The following SLC37A3 variants were observed in gnomAD, a reference collection of about 807,000 sequenced individuals.
SLC37A3 encodes the protein sugar phosphate exchanger 3.
A neutral mutation model predicts 67.1 loss-of-function variants in SLC37A3; 51 were observed. That is an observed-to-expected ratio of 0.76 (90% CI 0.61 to 0.96). The LOEUF (loss-of-function observed/expected upper bound fraction) is 0.96, where lower values mean the gene tolerates loss of function less well. Among genes scored for constraint, SLC37A3 ranks in the 40% least tolerant of loss-of-function variants. The probability of loss-of-function intolerance (pLI) is 0.00; values close to 1 mark genes in which losing one functional copy is unlikely to be tolerated. For missense variants in SLC37A3, 508 were observed against 603.0 expected, an observed-to-expected ratio of 0.84 and a Z score of 1.65; for synonymous variants, 214 against 231.4, an observed-to-expected ratio of 0.92 and a Z score of 0.68.
chr7:140,344,030 T>C (rs1796460085), intron 12 of SLC37A3: 1 of 194,042 alleles, frequency 5.2e-6, no homozygotes, highest in Admixed American at 5.7e-5. Flanking sequence ...GAATCAGGCA[T>C]GCGATGGCCC....
chr7:140,391,615 C>T (rs146155413), intron 1 of SLC37A3, among the ~76,000 whole-genome samples: 91 of 152,282 alleles, frequency 6.0e-4, no homozygotes, highest in African/African-American at 2.1e-3. Flanking sequence ...ATCTATCCCT[C>T]CCCTGTGGAG....
Position 140,348,768 on chromosome 7 carries a change from C to T in SLC37A3, c.883-1G>A, listed in dbSNP as rs1563014034. ...TCAAGCAGGCGTAGGCCAGTGAGTA[C>T]TACAAGAAAAGCATTCAACTATCAG... On this transcript the variant is annotated splice_acceptor_variant, in intron 9 of 14. Transcript: ENST00000326232. LOFTEE classifies it high-confidence loss of function. The T allele has an allele frequency of 6.2e-7, 1 of 1,613,544 alleles. No individual in the cohort carries two copies. The highest frequency in any genetic ancestry group is 8.5e-7 in the Non-Finnish European group (1 of 1,179,886).
intron 1 of SLC37A3, among the ~76,000 whole-genome samples, chr7:140,390,351 A>G (rs1162141407): frequency 7.9e-5 from 12 of 151,974 alleles, no homozygotes; most frequent in Admixed American, 7.9e-4. Flanking sequence ...ACCTAGTTAC[A>G]TGGTTAGCAG....
At chr7:140,365,153 G>A (rs1273701907) in intron 4 of SLC37A3, among the ~76,000 whole-genome samples, 1 of 152,206 alleles carries the variant, frequency 6.6e-6, no homozygotes, top group African/African-American at 2.4e-5. Context: ...CCACTGAGTG[G>A]CAGGAATTAA....
intron 6 of SLC37A3, 71 bp downstream of exon 6, chr7:140,358,563 CTGACTT>C: frequency 6.3e-7 from 1 of 1,590,158 alleles, no homozygotes; most frequent in Non-Finnish European, 8.6e-7. Flanking sequence ...AGCAAAGTAA[CTGACTT>C]TGACAAGTCT....
intron 4 of SLC37A3, among the ~76,000 whole-genome samples, chr7:140,367,527 T>C (rs769336521): frequency 6.6e-6 from 1 of 152,208 alleles, no homozygotes; most frequent in Non-Finnish European, 1.5e-5. Flanking sequence ...TTACCCAGTA[T>C]TTCACATTGC....
At chr7:140,383,121 A>G (rs1243641429) in intron 1 of SLC37A3, among the ~76,000 whole-genome samples, 1 of 152,080 alleles carries the variant, frequency 6.6e-6, no homozygotes, top group Non-Finnish European at 1.5e-5. Flanking sequence ...TGACACAAAA[A>G]TTCAATTTCT....
intron 5 of SLC37A3, among the ~76,000 whole-genome samples, chr7:140,359,920 A>G (rs1300649368): frequency 6.6e-6 from 1 of 152,218 alleles, no homozygotes; most frequent in Non-Finnish European, 1.5e-5. Context: ...AACACAAAAA[A>G]GTCTGTACAC....
chr7:140,365,850 C>T (rs879824124), intron 4 of SLC37A3, among the ~76,000 whole-genome samples: 4 of 147,436 alleles, frequency 2.7e-5, no homozygotes, highest in South Asian at 4.3e-4. Flanking sequence ...CTCATATGGA[C>T]TTATGCTACA....
chr7:140,353,992 G>A (rs113315342), intron 7 of SLC37A3, among the ~76,000 whole-genome samples: 13 of 152,282 alleles, frequency 8.5e-5, no homozygotes, highest in African/African-American at 1.9e-4. Flanking sequence ...TTACAGGCGT[G>A]AGCCACCACA....
chr7:140,354,246 C>T (rs922348899), intron 7 of SLC37A3, among the ~76,000 whole-genome samples: 5 of 152,138 alleles, frequency 3.3e-5, no homozygotes, highest in African/African-American at 1.2e-4. Context: ...GTGAATAATT[C>T]CTGGAGGTGG....
intron 1 of SLC37A3, among the ~76,000 whole-genome samples, chr7:140,394,378 G>A (rs1485766510): frequency 2.0e-5 from 3 of 151,964 alleles, no homozygotes; most frequent in African/African-American, 7.2e-5. Context: ...AGCACTTTGG[G>A]AGGCCAAGGT....
intron 13 of SLC37A3, chr7:140,337,597 C>T (rs1471510742): frequency 3.2e-6 from 1 of 308,044 alleles, no homozygotes; most frequent in African/African-American, 2.2e-5. Flanking sequence ...TTTTTATTCA[C>T]TTTGCTATTT....
rs568153310 is a variant in SLC37A3 at position 140,363,098 on chromosome 7, C to T, written c.375+1310G>A. Among the ~76,000 whole-genome samples, 7 of 89,116 alleles carry T rather than the reference C, an allele frequency of 7.9e-5. 1 individual carries two copies. Among genetic ancestry groups the T allele is most frequent in the African/African-American group, 2.5e-4 (6 of 24,382 alleles). The allele number at this position is 89,116 out of a possible 152,430, so 58.5% of individuals were successfully genotyped here. On this transcript the variant is annotated intron_variant, in intron 5 of 14. Coordinates refer to ENST00000326232, the MANE Select transcript of SLC37A3 (RefSeq NM_207113.3). ...GGGGTCAGCCCCCCGCCCGGCCAGC[C>T]GCCCCATCCGGGAGGTGAGGGGCGC...
intron 2 of SLC37A3, among the ~76,000 whole-genome samples, chr7:140,380,897 C>CTTTTT (rs56276405): frequency 7.9e-6 from 1 of 125,882 alleles, no homozygotes; most frequent in African/African-American, 2.9e-5. Context: ...TCTTCTTCTT[C>CTTTTT]TTTTTTTTTT....
intron 3 of SLC37A3, among the ~76,000 whole-genome samples, chr7:140,377,973 T>C (rs545944266): frequency 3.9e-5 from 6 of 152,332 alleles, no homozygotes; most frequent in African/African-American, 1.4e-4. Context: ...TTGCTGAGTT[T>C]ACCTTGTATC....
chr7:140,394,863 T>C (rs994297731), intron 1 of SLC37A3, among the ~76,000 whole-genome samples: 3 of 150,582 alleles, frequency 2.0e-5, no homozygotes, highest in African/African-American at 7.3e-5. Flanking sequence ...TGCCTCAGCC[T>C]CCCAAAGTGC....
intron 13 of SLC37A3, among the ~76,000 whole-genome samples, chr7:140,338,548 T>G (rs930739669): frequency 6.6e-6 from 1 of 152,156 alleles, no homozygotes; most frequent in African/African-American, 2.4e-5. Context: ...CTCTGCTTAC[T>G]GCAACCTCTG....
chr7:140,336,212 G>A (rs191979399), intron 14 of SLC37A3, among the ~76,000 whole-genome samples: 1 of 152,180 alleles, frequency 6.6e-6, no homozygotes. Flanking sequence ...AGGAGTTTGA[G>A]ACCAGCCTGG....
Sources: gnomAD v4.1 joint callset for allele counts (sites outside exome capture counted in the v4.1 genomes callset) on GRCh38, gnomAD v4.1.1 for gene constraint, MANE v1.5 for transcripts, NCBI Gene and HGNC (gene_info 2026-07-23, HGNC 2026-07-21) for gene names.